The following TECTA variants were observed in gnomAD, a reference collection of about 807,000 sequenced individuals.
TECTA encodes alpha-tectorin.
In TECTA, 128 loss-of-function variants were observed where a neutral mutation model predicts 216.8. The observed-to-expected ratio is 0.59, with a 90% CI of 0.51 to 0.68. The LOEUF (loss-of-function observed/expected upper bound fraction) is 0.68, where lower values mean the gene tolerates loss of function less well. TECTA is among the 30% of genes least tolerant of loss of function. TECTA has a pLI of 0.00. For synonymous variants in TECTA, 1,089 were observed against 1,117.1 expected (o/e 0.97, Z 0.50); for missense variants, 2,551 against 2,786.2 (o/e 0.92, Z 1.90).
chr11:121,166,982 G>C (rs549563231), intron 18 of TECTA, among the ~76,000 whole-genome samples: 120 of 152,368 alleles, frequency 7.9e-4, no homozygotes, highest in African/African-American at 1.9e-3. Flanking sequence ...TTGAAAGAGT[G>C]ATGTGTTTTT....
At chr11:121,139,126 C>G (rs998633450) in intron 11 of TECTA, among the ~76,000 whole-genome samples, 1 of 152,200 alleles carries the variant, frequency 6.6e-6, no homozygotes, top group African/African-American at 2.4e-5. Context: ...TTTTTATCAT[C>G]CAAGGAAGCA....
Position 121,137,459 on chromosome 11 carries a change from A to G in TECTA, c.2980A>G (p.Ile994Val), listed in dbSNP as rs1428531292. 1 of 1,613,966 alleles carries G rather than the reference A, an allele frequency of 6.2e-7. No homozygotes were observed. ...AGAGAACAGCCACTTTGAGGAGTGC[A>G]TCACATGTACAGAGACCTGTGAGAC... ...CPENSHFEEC[I>V]TCTETCETLT... Residue 994 changes from isoleucine to valine, a missense_variant, in exon 11 of 24, where the codon ATC (isoleucine) becomes GTC (valine). Around this residue, in one of 3 missense-constraint regions of TECTA, gnomAD observed 2,375 missense variants for 2,563.9 expected, o/e 0.93. Transcript: ENST00000392793.
chr11:121,114,394 A>G (rs1335985715), intron 6 of TECTA, among the ~76,000 whole-genome samples: 1 of 152,222 alleles, frequency 6.6e-6, no homozygotes, highest in Non-Finnish European at 1.5e-5. Context: ...TTAGATGTGC[A>G]AACTCACCAT....
At chr11:121,106,760 T>C (rs2135051315) in intron 3 of TECTA, among the ~76,000 whole-genome samples, 1 of 152,332 alleles carries the variant, frequency 6.6e-6, no homozygotes, top group Non-Finnish European at 1.5e-5. Flanking sequence ...TCCCCAACTT[T>C]TGATTTATGG....
chr11:121,181,285 C>G (rs1264645507), intron 20 of TECTA, among the ~76,000 whole-genome samples: 1 of 152,002 alleles, frequency 6.6e-6, no homozygotes, highest in East Asian at 1.9e-4. Context: ...TTTTATCTGT[C>G]TCTTTGTTGA....
Position 121,109,219 on chromosome 11 carries a change from C to CA in TECTA, c.209dup (p.Asn70LysfsTer143). ...CTCTCTTATTTTCGTAGGTCAATAACAACGGAGTTGTTTCCTTCAATGTGC... is the reference window on the plus strand; with the variant it reads ...CTCTCTTATTTTCGTAGGTCAATAACAAACGGAGTTGTTTCCTTCAATGTGC... On this transcript the variant is annotated frameshift_variant, in exon 4 of 24. Transcript: ENST00000392793. LOFTEE classifies it high-confidence loss of function. 6.2e-7 allele frequency: 1 copy of CA among 1,614,132 alleles called. No homozygotes were observed. The highest frequency in any genetic ancestry group is 8.5e-7 in the Non-Finnish European group (1 of 1,180,002).
At chr11:121,180,130 C>T (rs996773987) in intron 20 of TECTA, among the ~76,000 whole-genome samples, 1 of 151,862 alleles carries the variant, frequency 6.6e-6, no homozygotes, top group African/African-American at 2.4e-5. Context: ...TTCATTCTCT[C>T]TTATCATTTA....
At position 121,125,596 on chromosome 11, in the gene TECTA, G is replaced by T; in HGVS notation, c.1498G>T (p.Asp500Tyr). Residue 500 changes from aspartate (D) to tyrosine (Y), a missense_variant, in exon 8 of 24, where the codon GAC becomes TAC. Asp to Tyr is a radical substitution (Grantham distance 160, BLOSUM62 -3). Transcript: ENST00000392793. The part of the protein sequence containing the change: ...WRVYHADWKC[D>Y]SGCVDNCTQC... ...TGTGTACCACGCAGACTGGAAGTGC[G>T]ACTCCGGCTGCGTCGACAACTGCAC... 2 of 1,613,852 alleles carry T rather than the reference G, an allele frequency of 1.2e-6. No individual in the cohort carries two copies. The highest frequency in any genetic ancestry group is 1.7e-6 in the Non-Finnish European group (2 of 1,179,846).
At position 121,129,808 on chromosome 11, in the gene TECTA, G is replaced by A; in HGVS notation, c.2538G>A (p.Gly846=). ...CCACCACATACTTCAATTGCACAGG[G>A]GGCTTGTGCGGCTTCTACAATGCCA... ...RLSTTYFNCT[G]GLCGFYNANA... is the part of the protein sequence containing the mutation. The change falls in exon 10 of 24, where the codon GGG becomes GGA. Residue 846 remains glycine, a synonymous_variant. Coordinates refer to ENST00000392793, the MANE Select transcript of TECTA (RefSeq NM_005422.4). The A allele has an allele frequency of 6.2e-7, 1 of 1,614,174 alleles. No homozygotes were observed. Among genetic ancestry groups the A allele is most frequent in the Non-Finnish European group, 8.5e-7 (1 of 1,180,046 alleles).
chr11:121,163,306 T>C (rs912307676), intron 16 of TECTA, among the ~76,000 whole-genome samples: 1 of 152,094 alleles, frequency 6.6e-6, no homozygotes, highest in African/African-American at 2.4e-5. Flanking sequence ...CTAGTCTCTG[T>C]TGGAAACTAA....
At chr11:121,188,941 A>G in intron 21 of TECTA, 139 bp from the exon 22 acceptor site, 1 of 788,212 alleles carries the variant, frequency 1.3e-6, no homozygotes, top group Non-Finnish European at 2.2e-6. Context: ...AATGATCAAG[A>G]ATGCATTGGT....
rs1310522 is a variant in TECTA, at chr11:121,176,547, G to T, written c.5999+7622G>T. ...TAGAGTTTCTGCCAAGAGATCCGCT[G>T]TTAGTCTGATGGGCTTCCCTTTGTG... On this transcript the variant is annotated intron_variant, in intron 20 of 23. Coordinates refer to ENST00000392793, the MANE Select transcript of TECTA (RefSeq NM_005422.4). 1.0e-2 allele frequency among the ~76,000 whole-genome samples: 1,162 copies of T among 116,648 alleles called. 67 individuals carry two copies. The highest frequency in any genetic ancestry group is 0.058 in the African/African-American group (1,045 of 17,894). The allele number at this position is 116,648 out of a possible 152,430, so 76.5% of individuals were successfully genotyped here. A position where few individuals can be genotyped will look rare whatever the true frequency, so the allele number is the denominator to read the frequency against.
intron 11 of TECTA, among the ~76,000 whole-genome samples, chr11:121,143,044 G>A (rs1946799469): frequency 6.6e-6 from 1 of 152,174 alleles, no homozygotes; most frequent in Admixed American, 6.5e-5. Context: ...TGAATCTCCT[G>A]TTTGTTACTT....
intron 3 of TECTA, 46 bp downstream of exon 3, chr11:121,106,010 T>C (rs1218373970): frequency 1.2e-6 from 2 of 1,614,080 alleles, no homozygotes; most frequent in East Asian, 4.5e-5. Flanking sequence ...CCCTCCCTTT[T>C]GTTTGTCATT....
Position 121,102,778 on chromosome 11 carries a change from T to C in TECTA, c.64+49T>C, listed in dbSNP as rs764574591. On this transcript the variant is annotated intron_variant, in intron 2 of 23. Coordinates refer to ENST00000392793, the MANE Select transcript of TECTA (RefSeq NM_005422.4). ...AGCTCTCAGTTAGCATGCTCTTGAA[T>C]TGATAAAGAGACACTTTTATTGGAA... The C allele has an allele frequency of 6.6e-6, 10 of 1,519,956 alleles. No individual in the cohort carries two copies. The South Asian group carries it at 1.0e-4, about 15-fold the overall frequency. 94.2% of individuals were successfully genotyped at this position (1,519,956 alleles called of 1,614,324 possible).
rs561816358 is a variant in TECTA, at chr11:121,182,296, C to T, written c.6000-5536C>T. Reference sequence around the variant, plus strand: ...TGGCAGTAGCAGCAGTGGGCCAACTCTCAGGCCCCAGAGCTTCACATGGGA... The same window carrying T: ...TGGCAGTAGCAGCAGTGGGCCAACTTTCAGGCCCCAGAGCTTCACATGGGA... On this transcript the variant is annotated intron_variant, in intron 20 of 23. Coordinates refer to ENST00000392793, the MANE Select transcript of TECTA (RefSeq NM_005422.4). Among the ~76,000 whole-genome samples, 3 of 152,010 alleles carry T rather than the reference C, an allele frequency of 2.0e-5. No homozygotes were observed. In the East Asian group the frequency reaches 5.8e-4, roughly 29 times the overall value.
intron 12 of TECTA, 180 bp downstream of exon 12, chr11:121,146,296 G>C (rs976423214): frequency 1.6e-5 from 11 of 691,148 alleles, no homozygotes; most frequent in Non-Finnish European, 2.7e-5. Flanking sequence ...GAGCCTCCAT[G>C]TCCTTATTGG....
intron 11 of TECTA, among the ~76,000 whole-genome samples, chr11:121,141,499 C>T (rs184441902): frequency 1.2e-4 from 18 of 152,332 alleles, no homozygotes; most frequent in Non-Finnish European, 1.6e-4. Context: ...ATAGACCAGA[C>T]AGGGTAGGGG....
intron 11 of TECTA, among the ~76,000 whole-genome samples, chr11:121,141,589 G>A (rs532520513): frequency 2.0e-5 from 3 of 152,342 alleles, no homozygotes; most frequent in African/African-American, 4.8e-5. Context: ...GCTCAACAGA[G>A]ACTGCCTCTC....
Sources: allele counts gnomAD v4.1 joint callset (sites outside exome capture counted in the v4.1 genomes callset), GRCh38; gene constraint gnomAD v4.1.1; regional missense constraint gnomAD v4.1.1; transcripts MANE v1.5; gene names NCBI Gene and HGNC (gene_info 2026-07-23, HGNC 2026-07-21).